Variants in CCDC171 observed in about 807,000 individuals in gnomAD.
CCDC171 encodes the protein coiled-coil domain-containing protein 171.
A neutral mutation model predicts 168.2 loss-of-function variants in CCDC171; 177 were observed. The observed-to-expected ratio is 1.05, with a 90% CI of 0.93 to 1.19. The LOEUF (loss-of-function observed/expected upper bound fraction) is 1.19, where lower values mean the gene tolerates loss of function less well. CCDC171 is among the 50% of genes most tolerant of loss of function. CCDC171 has a pLI of 0.00. For synonymous variants in CCDC171, 687 were observed against 540.8 expected, an observed-to-expected ratio of 1.27 and a Z score of -3.75; for missense variants, 1,991 against 1,539.0, an observed-to-expected ratio of 1.29 and a Z score of -4.91.
intron 7 of CCDC171, among the ~76,000 whole-genome samples, chr9:15,636,435 G>A (rs1015911677): frequency 2.6e-5 from 4 of 152,016 alleles, no homozygotes; most frequent in Admixed American, 6.6e-5. Flanking sequence ...TAATACTATG[G>A]TTTGTAGATG....
upstream of CCDC171, among the ~76,000 whole-genome samples, chr9:16,039,326 T>C (rs557981016): frequency 2.6e-5 from 4 of 152,302 alleles, no homozygotes; most frequent in South Asian, 2.1e-4. Flanking sequence ...GATTTTGGCA[T>C]GTGAGTACTG....
intron 23 of CCDC171, among the ~76,000 whole-genome samples, chr9:15,859,625 AC>A (rs1392541258): frequency 5.3e-5 from 3 of 56,300 alleles, no homozygotes; most frequent in African/African-American, 2.1e-4. Context: ...CTCTGCCCCC[AC>A]CCCCCGAATC....
chr9:15,669,429 G>A (rs918039489), intron 9 of CCDC171, among the ~76,000 whole-genome samples: 5 of 151,882 alleles, frequency 3.3e-5, no homozygotes, highest in African/African-American at 1.2e-4. Context: ...CAGGGTAATT[G>A]GGCTATCCAT....
At chr9:16,015,603 A>G (rs1832991740) in intron 3 of CCDC171, among the ~76,000 whole-genome samples, 2 of 152,172 alleles carry the variant, frequency 1.3e-5, no homozygotes, top group Non-Finnish European at 2.9e-5. Context: ...CAAATTTTTT[A>G]AATACTTTTA....
At chr9:15,944,850 T>C (rs1405971837) in intron 25 of CCDC171, among the ~76,000 whole-genome samples, 1 of 150,322 alleles carries the variant, frequency 6.7e-6, no homozygotes, top group African/African-American at 2.5e-5. Context: ...CTTTCTTTCT[T>C]TCTTTCTTTC....
intron 24 of CCDC171, among the ~76,000 whole-genome samples, chr9:15,882,325 A>T (rs1203135517): frequency 3.3e-5 from 5 of 152,168 alleles, no homozygotes; most frequent in African/African-American, 1.2e-4. Flanking sequence ...AGCTCCTTGC[A>T]TATTCTGGTT....
chr9:16,106,812 A>G, the CCDC171 span, among the ~76,000 whole-genome samples: 1 of 152,182 alleles, frequency 6.6e-6, no homozygotes, highest in Non-Finnish European at 1.5e-5. Context: ...TTTTGGGATT[A>G]GGCCATGTCC....
chr9:16,105,883 A>G, the CCDC171 span, among the ~76,000 whole-genome samples: 2 of 152,314 alleles, frequency 1.3e-5, no homozygotes, highest in East Asian at 1.9e-4. Context: ...AAACTCCAAA[A>G]CTTTGAACAC....
At chr9:16,066,097 G>A (rs117799137), downstream of CCDC171, among the ~76,000 whole-genome samples, 1 of 152,264 alleles carries the variant, frequency 6.6e-6, no homozygotes, top group East Asian at 1.9e-4. Flanking sequence ...AGGAGCTTGA[G>A]TAGATTTGGG....
chr9:16,065,797 GTT>G (rs1327296434), downstream of CCDC171, among the ~76,000 whole-genome samples: 3 of 144,964 alleles, frequency 2.1e-5, no homozygotes, highest in African/African-American at 8.0e-5. Flanking sequence ...CCACCTATGG[GTT>G]TGTGTGCATG....
chr9:15,831,709 C>G (rs995287570), intron 21 of CCDC171, among the ~76,000 whole-genome samples: 1 of 151,952 alleles, frequency 6.6e-6, no homozygotes, highest in Non-Finnish European at 1.5e-5. Flanking sequence ...AGAGAGGGTT[C>G]TTATTAAATT....
At chr9:15,772,588 C>CAACTTTCTTTTTATATATTTCACT (rs2057072174) in intron 18 of CCDC171, among the ~76,000 whole-genome samples, 6 of 152,116 alleles carry the variant, frequency 3.9e-5, no homozygotes, top group Admixed American at 3.9e-4. Context: ...AAGAAAGTTG[C>CAACTTTCTTTTTATATATTTCACT]ATATAAATAG....
chr9:15,993,119 A>G (rs546459959), intron 3 of CCDC171, among the ~76,000 whole-genome samples: 1 of 152,166 alleles, frequency 6.6e-6, no homozygotes, highest in African/African-American at 2.4e-5. Flanking sequence ...GGAACCAAAA[A>G]AGAGCCCTCA....
intron 1 of CCDC171, among the ~76,000 whole-genome samples, chr9:16,057,334 G>A (rs1833856958): frequency 6.6e-6 from 1 of 152,186 alleles, no homozygotes; most frequent in Non-Finnish European, 1.5e-5. Context: ...TTTACAATAT[G>A]GAGAAAACAG....
At position 15,632,754 on chromosome 9, in the gene CCDC171, C is replaced by T. The variant is rs534074139; in HGVS notation, c.822+9341C>T. ...AAAGAACAAAGCTGGAGACATCATG[C>T]TACCTGACTTCAAACTATACTACAA... On this transcript the variant is annotated intron_variant, in intron 7 of 25. Coordinates refer to ENST00000380701, the MANE Select transcript of CCDC171 (RefSeq NM_173550.4). 5.9e-5 allele frequency among the ~76,000 whole-genome samples: 9 copies of T among 152,330 alleles called. No homozygotes were observed. In the East Asian group the frequency reaches 1.3e-3, roughly 23 times the overall value.
chr9:15,825,190 T>G (rs2059961024), intron 21 of CCDC171, among the ~76,000 whole-genome samples: 1 of 152,146 alleles, frequency 6.6e-6, no homozygotes, highest in Non-Finnish European at 1.5e-5. Context: ...GCCTTGTGTT[T>G]GTGGAATTTA....
chr9:15,636,438 TGTAGATGGCTTACTAAAAAAG>T (rs1338874156), intron 7 of CCDC171, among the ~76,000 whole-genome samples: 6 of 152,136 alleles, frequency 3.9e-5, no homozygotes, highest in African/African-American at 1.4e-4. Context: ...TACTATGGTT[TGTAGATGGCTTACTAAAAAAG>T]GATTAAGGGC....
At chr9:15,862,018 T>C (rs1447241516) in intron 23 of CCDC171, among the ~76,000 whole-genome samples, 1 of 151,576 alleles carries the variant, frequency 6.6e-6, no homozygotes, top group South Asian at 2.1e-4. Context: ...TGTTCTTAGA[T>C]AGCATTCTTT....
rs541563473 is a variant in CCDC171, at chr9:16,059,676, G to A, written n.90-970G>A. 9.3e-5 allele frequency among the ~76,000 whole-genome samples: 14 copies of A among 150,292 alleles called. No homozygotes were observed. In the East Asian group the frequency reaches 9.8e-4, roughly 10 times the overall value. The stretch of plus-strand genomic sequence containing the variant: ...ACTACAGGCGCCCGCCACCGCGCCC[G>A]GCTAATTTTTTGTATTTTTAGTAGA... On this transcript the variant is annotated intron_variant and non_coding_transcript_variant, in intron 1 of 1. Transcript: ENST00000478913.
Sources: gnomAD v4.1 joint callset for allele counts (sites outside exome capture counted in the v4.1 genomes callset) on GRCh38, gnomAD v4.1.1 for gene constraint, MANE v1.5 for transcripts, NCBI Gene and HGNC (gene_info 2026-07-23, HGNC 2026-07-21) for gene names.